Variants in INA observed in about 807,000 individuals in gnomAD.
The protein encoded by INA is internexin neuronal intermediate filament protein alpha, also known as alpha-internexin.
A neutral mutation model predicts 40.1 loss-of-function variants in INA; 35 were observed. The observed-to-expected ratio is 0.87, with a 90% CI of 0.67 to 1.16. INA has a LOEUF of 1.16. INA is among the 50% of genes most tolerant of loss of function. The probability of loss-of-function intolerance (pLI) is 0.00; values close to 1 mark genes in which losing one functional copy is unlikely to be tolerated. For synonymous variants in INA, 290 were observed against 316.9 expected, an observed-to-expected ratio of 0.92 and a Z score of 0.90; for missense variants, 594 against 686.7, an observed-to-expected ratio of 0.87 and a Z score of 1.51.
chr10:103,280,289 C>A (rs1012824761), intron 1 of INA: 2 of 985,308 alleles, frequency 2.0e-6, no homozygotes, highest in African/African-American at 1.7e-5. Context: ...GGAGGTCAGA[C>A]AACAGAGAGC....
intron 1 of INA, among the ~76,000 whole-genome samples, chr10:103,279,191 G>A (rs971543265): frequency 6.6e-6 from 1 of 152,052 alleles, no homozygotes; most frequent in Non-Finnish European, 1.5e-5. Flanking sequence ...ATCAGTTTTG[G>A]CTTTCATGGA....
chr10:103,288,813 C>A lies in INA; in HGVS notation c.*144C>A. ...TCTCATATTTAGTATTGAATACTTA[C>A]ATTCTCTAATAAGAAAACCACCCCT... On this transcript the variant is annotated 3_prime_UTR_variant, in exon 3 of 3. Coordinates refer to ENST00000369849, the MANE Select transcript of INA (RefSeq NM_032727.4). 2 of 586,534 alleles carry A rather than the reference C, an allele frequency of 3.4e-6. No individual in the cohort carries two copies. Among genetic ancestry groups the A allele is most frequent in the Admixed American group, 3.5e-5 (1 of 28,194 alleles). 36.3% of individuals were successfully genotyped at this position (586,534 alleles called of 1,614,324 possible).
chr10:103,281,412 C>T (rs1482405531), intron 1 of INA, among the ~76,000 whole-genome samples: 1 of 152,082 alleles, frequency 6.6e-6, no homozygotes, highest in Non-Finnish European at 1.5e-5. Flanking sequence ...AGGTAGGGCC[C>T]GGGAATATGC....
intron 1 of INA, among the ~76,000 whole-genome samples, chr10:103,282,873 C>A (rs1378126375): frequency 6.6e-6 from 1 of 152,098 alleles, no homozygotes; most frequent in African/African-American, 2.4e-5. Flanking sequence ...TTGTCTATAT[C>A]ATCAAAAGGA....
chr10:103,283,933 T>C (rs1414521052), intron 1 of INA, among the ~76,000 whole-genome samples: 1 of 151,878 alleles, frequency 6.6e-6, no homozygotes, highest in Non-Finnish European at 1.5e-5. Context: ...GTATTTTTAG[T>C]AGAGACCATA....
Position 103,277,337 on chromosome 10 carries a change from G to T in INA, c.126G>T (p.Ser42=), listed in dbSNP as rs376203081. Residue 42 remains serine (S), a synonymous_variant, in exon 1 of 3, where the codon TCG becomes TCT. Transcript: ENST00000369849. The surrounding 1 kb of genome is among the most constrained non-coding windows in gnomAD (Gnocchi z 5.6). ...GCGCGGGCGGCTTCCGCTCGCAGTCGCTGTCCCGCAGCAATGTGGCCTCCT... is the reference window on the plus strand; with the variant it reads ...GCGCGGGCGGCTTCCGCTCGCAGTCTCTGTCCCGCAGCAATGTGGCCTCCT... ...AGGAGGFRSQ[S]LSRSNVASSA... 8.2e-6 allele frequency: 13 copies of T among 1,582,260 alleles called. No individual in the cohort carries two copies. The African/African-American group carries it at 1.5e-4, about 19-fold the overall frequency.
Position 103,278,642 on chromosome 10 carries a change from C to T in INA, c.1065+366C>T, listed in dbSNP as rs2093066364. Among the ~76,000 whole-genome samples the T allele has an allele frequency of 1.3e-5, 2 of 152,122 alleles. No individual in the cohort carries two copies. Among genetic ancestry groups the T allele is most frequent in the Admixed American group, 1.3e-4 (2 of 15,260 alleles). On this transcript the variant is annotated intron_variant, in intron 1 of 2. Transcript: ENST00000369849. The surrounding 1 kb of genome is among the most constrained non-coding windows in gnomAD (Gnocchi z 4.9). ...GGGCAGGTTACGTGGGCGGTGCTGT[C>T]TCGGCTATCTGGCTTGTTTGGTTGA... is the stretch of plus-strand genomic sequence containing the variant.
rs2133540738 is a variant in INA, at chr10:103,290,275, T to C, written c.*1606T>C. 1 of 152,424 alleles carries C rather than the reference T, an allele frequency of 6.6e-6. No homozygotes were observed. The highest frequency in any genetic ancestry group is 1.9e-4 in the East Asian group (1 of 5,188). The allele number at this position is 152,424 out of a possible 1,614,324, so 9.4% of individuals were successfully genotyped here. Reference sequence around the variant, plus strand: ...CTTTTCCTTACCTTTACCCCATCCCTGTCTTTACTCCTCACACTTACTGTA... The same window carrying C: ...CTTTTCCTTACCTTTACCCCATCCCCGTCTTTACTCCTCACACTTACTGTA... On this transcript the variant is annotated 3_prime_UTR_variant, in exon 3 of 3. Coordinates refer to ENST00000369849, the MANE Select transcript of INA (RefSeq NM_032727.4).
At chr10:103,288,252 C>A in intron 2 of INA, 108 bp from the exon 3 acceptor site, 1 of 1,031,738 alleles carries the variant, frequency 9.7e-7, no homozygotes, top group Non-Finnish European at 1.4e-6. Flanking sequence ...CATGAAGAAA[C>A]TCCAAAGTCC....
Position 103,278,903 on chromosome 10 carries a change from G to GCACACACACACACACACACACACACACA in INA, c.1065+631_1065+658dup, listed in dbSNP as rs369168949. On this transcript the variant is annotated intron_variant, in intron 1 of 2. Transcript: ENST00000369849. This position sits in a 1 kb window ranked among gnomAD's most constrained non-coding sequence, Gnocchi z 4.9. ...ACACACACGATTCCCTTGTCCACCAGCACACACACACACACACACACACAC... is the reference window on the plus strand; with the variant it reads ...ACACACACGATTCCCTTGTCCACCAGCACACACACACACACACACACACACACACACACACACACACACACACACACAC... 7.1e-4 allele frequency among the ~76,000 whole-genome samples: 97 copies of GCACACACACACACACACACACACACACA among 136,856 alleles called. No homozygotes were observed. Among genetic ancestry groups the GCACACACACACACACACACACACACACA allele is most frequent in the Middle Eastern group, 3.6e-3 (1 of 276 alleles). The allele number at this position is 136,856 out of a possible 152,430, so 89.8% of individuals were successfully genotyped here. A position where few individuals can be genotyped will look rare whatever the true frequency, so the allele number is the denominator to read the frequency against.
intron 1 of INA, among the ~76,000 whole-genome samples, chr10:103,281,850 G>A (rs533774704): frequency 1.3e-5 from 2 of 152,362 alleles, no homozygotes; most frequent in African/African-American, 2.4e-5. Context: ...GCTCAGACGA[G>A]CTAAGACGAT....
chr10:103,282,531 A>C (rs2093074914), intron 1 of INA, among the ~76,000 whole-genome samples: 1 of 152,190 alleles, frequency 6.6e-6, no homozygotes, highest in Non-Finnish European at 1.5e-5. Context: ...ATGAGCATCA[A>C]CACTAATCCA....
In INA at chr10:103,277,848, C is replaced by T. The variant is rs745945749; in HGVS notation, c.637C>T (p.Leu213=). ...CGGCGCCACGCTGGCCCGCCTGGAC[C>T]TGGAGAAGAAGGTGGAGTCGCTGCT... The part of the protein sequence containing the change: ...VDGATLARLD[L]EKKVESLLDE... Residue 213 remains leucine (L), a synonymous_variant, in exon 1 of 3, where the codon CTG becomes TTG. Coordinates refer to ENST00000369849, the MANE Select transcript of INA (RefSeq NM_032727.4). This position sits in a 1 kb window ranked among gnomAD's most constrained non-coding sequence, Gnocchi z 5.6. The T allele has an allele frequency of 6.5e-6, 10 of 1,547,162 alleles. No individual in the cohort carries two copies. In the South Asian group the frequency reaches 1.2e-4, roughly 18 times the overall value.
intron 1 of INA, among the ~76,000 whole-genome samples, chr10:103,283,416 T>G (rs1208515585): frequency 6.6e-6 from 1 of 152,180 alleles, no homozygotes; most frequent in Non-Finnish European, 1.5e-5. Context: ...GGTAAAAATC[T>G]CTTTAAGGCC....
chr10:103,279,875 A>C (rs2093069043), intron 1 of INA: 9 of 1,149,252 alleles, frequency 7.8e-6, no homozygotes, highest in Non-Finnish European at 1.0e-5. Context: ...TTCATTATGT[A>C]CCCTAACCCC....
intron 1 of INA, among the ~76,000 whole-genome samples, 176 bp from the exon 2 acceptor site, chr10:103,286,859 C>T (rs2093087476): frequency 6.6e-6 from 1 of 152,012 alleles, no homozygotes; most frequent in Admixed American, 6.6e-5. Flanking sequence ...TGCTGGGACC[C>T]CACCCCAGAA....
intron 1 of INA, chr10:103,279,844 C>A: frequency 1.2e-6 from 1 of 860,016 alleles, no homozygotes; most frequent in Non-Finnish European, 1.6e-6. Flanking sequence ...ATTTCTGCCT[C>A]AAAATCCATA....
intron 2 of INA, 93 bp downstream of exon 2, chr10:103,287,252 G>A: frequency 7.2e-7 from 1 of 1,385,978 alleles, no homozygotes; most frequent in Non-Finnish European, 9.8e-7. Flanking sequence ...GCTTCTGACT[G>A]GTGAGGGAGG....
Position 103,278,347 on chromosome 10 carries a change from A to C in INA, c.1065+71A>C. 1 of 1,279,072 alleles carries C rather than the reference A, an allele frequency of 7.8e-7. No individual in the cohort carries two copies. Among genetic ancestry groups the C allele is most frequent in the Non-Finnish European group, 1.1e-6 (1 of 943,966 alleles). 79.2% of individuals were successfully genotyped at this position (1,279,072 alleles called of 1,614,324 possible). ...CGCGCGTACCCTCTTCCTCTGGTAA[A>C]ACTGGGCCCCAGGACTTAAGGGGAG... On this transcript the variant is annotated intron_variant, in intron 1 of 2. Transcript: ENST00000369849. This position sits in a 1 kb window ranked among gnomAD's most constrained non-coding sequence, Gnocchi z 4.9.
Sources: gnomAD v4.1 joint callset for allele counts (sites outside exome capture counted in the v4.1 genomes callset) on GRCh38, gnomAD v4.1.1 for gene constraint, Gnocchi (gnomAD v3.1) non-coding constraint, MANE v1.5 for transcripts, NCBI Gene and HGNC (gene_info 2026-07-23, HGNC 2026-07-21) for gene names.